Variants in TFPI observed in about 807,000 individuals in gnomAD.
TFPI encodes the protein anti-convertin.
TFPI carries 15 observed loss-of-function variants against 34.6 expected under a neutral mutation model. The observed-to-expected ratio is 0.43, with a 90% CI of 0.29 to 0.67. The LOEUF (loss-of-function observed/expected upper bound fraction) is 0.67. Among genes scored for constraint, TFPI ranks in the 30% least tolerant of loss-of-function variants. The pLI, the probability that TFPI is intolerant of heterozygous loss-of-function variation, is 0.15. For missense variants in TFPI, 301 were observed against 364.0 expected (o/e 0.83, Z 1.41); for synonymous variants, 105 against 120.1 (o/e 0.87, Z 0.82).
intron 3 of TFPI, among the ~76,000 whole-genome samples, chr2:187,493,494 T>G (rs957797607): frequency 6.6e-6 from 1 of 152,196 alleles, no homozygotes; most frequent in Non-Finnish European, 1.5e-5. Context: ...AACATTCAGA[T>G]CCTTGTTACT....
intron 1 of TFPI, among the ~76,000 whole-genome samples, chr2:187,528,181 C>T (rs1281195146): frequency 6.6e-6 from 1 of 151,936 alleles, no homozygotes; most frequent in Non-Finnish European, 1.5e-5. Context: ...GGGTTTCAGC[C>T]CAAACCCTAA....
intron 1 of TFPI, among the ~76,000 whole-genome samples, chr2:187,546,314 A>T (rs1420932967): frequency 6.8e-6 from 1 of 147,902 alleles, no homozygotes; most frequent in Non-Finnish European, 1.5e-5. Context: ...AAAAGATTAC[A>T]TTGTTTTCTT....
chr2:187,489,373 T>TA (rs1185444589), intron 3 of TFPI, among the ~76,000 whole-genome samples: 1 of 138,362 alleles, frequency 7.2e-6, no homozygotes, highest in Non-Finnish European at 1.6e-5. Context: ...AATAGCCTTT[T>TA]AAAAAAAGAG....
chr2:187,483,985 CA>C, intron 6 of TFPI, 138 bp downstream of exon 6: 1 of 692,152 alleles, frequency 1.4e-6, no homozygotes, highest in Non-Finnish European at 2.4e-6. Flanking sequence ...ATTTGAATCT[CA>C]GTATTTCAAC....
chr2:187,504,759 T>C (rs1158926857), intron 1 of TFPI, among the ~76,000 whole-genome samples: 1 of 152,076 alleles, frequency 6.6e-6, no homozygotes, highest in Non-Finnish European at 1.5e-5. Flanking sequence ...CGAGATCTTA[T>C]CAGCAAACAT....
At chr2:187,498,531 G>A (rs1315537928) in intron 2 of TFPI, among the ~76,000 whole-genome samples, 3 of 151,738 alleles carry the variant, frequency 2.0e-5, no homozygotes, top group African/African-American at 7.2e-5. Flanking sequence ...TAAAGATACA[G>A]CTTTCTATAC....
chr2:187,517,370 A>T (rs1687080203), intron 1 of TFPI: 1 of 152,118 alleles, frequency 6.6e-6, no homozygotes, highest in Admixed American at 6.5e-5. Context: ...GTTTGAAATA[A>T]CTTATTTATT....
intron 6 of TFPI, among the ~76,000 whole-genome samples, chr2:187,469,269 T>G (rs1691894803): frequency 6.6e-6 from 1 of 152,108 alleles, no homozygotes; most frequent in African/African-American, 2.4e-5. Context: ...CAGGTGATAT[T>G]TTTGTGCCAA....
At chr2:187,499,225 T>A (rs1685689160) in intron 2 of TFPI, among the ~76,000 whole-genome samples, 1 of 151,962 alleles carries the variant, frequency 6.6e-6, no homozygotes, top group Admixed American at 6.6e-5. Context: ...GAGTTTCTGG[T>A]ACCTATAAAT....
At chr2:187,472,960 C>A (rs190781479) in intron 6 of TFPI, among the ~76,000 whole-genome samples, 1 of 152,110 alleles carries the variant, frequency 6.6e-6, no homozygotes, top group African/African-American at 2.4e-5. Flanking sequence ...TGCAAGTGAG[C>A]TGAGATTGAG....
At chr2:187,552,692 G>A (rs556069055) in intron 1 of TFPI, among the ~76,000 whole-genome samples, 1 of 151,966 alleles carries the variant, frequency 6.6e-6, no homozygotes, top group South Asian at 2.1e-4. Flanking sequence ...ATATCAGACT[G>A]TACCTTAAAA....
chr2:187,550,494 T>G (rs1173626388), intron 1 of TFPI, among the ~76,000 whole-genome samples: 1 of 152,100 alleles, frequency 6.6e-6, no homozygotes, highest in Non-Finnish European at 1.5e-5. Context: ...AGCTCAAGGA[T>G]ATTTATAGAA....
rs527354813 is a variant in TFPI at position 187,484,811 on chromosome 2, G to T, written c.535C>A (p.Pro179Thr). Residue 179 changes from proline (P) to threonine (T), a missense_variant and splice_region_variant, in exon 5 of 8, where the codon CCG becomes ACG. Transcript: ENST00000233156. The part of the protein sequence containing the change: ...EECKNICEDG[P>T]NGFQVDNYGT... ...AAAATGAAATAAGAAATAAACTTAC[G>T]ACCATCTTCACAAATGTTCTTGCAT... 1.3e-6 allele frequency: 2 copies of T among 1,580,608 alleles called. No individual in the cohort carries two copies.
intron 2 of TFPI, among the ~76,000 whole-genome samples, chr2:187,498,297 G>C (rs1055598693): frequency 6.6e-6 from 1 of 151,602 alleles, no homozygotes; most frequent in African/African-American, 2.4e-5. Context: ...TGAATTTTTT[G>C]AAACAGAAAA....
intron 1 of TFPI, among the ~76,000 whole-genome samples, chr2:187,544,156 G>A (rs1688726562): frequency 6.6e-6 from 1 of 152,126 alleles, no homozygotes; most frequent in African/African-American, 2.4e-5. Flanking sequence ...TTTCACAAAA[G>A]AGCTATTAAC....
chr2:187,532,606 G>T (rs1434625955), intron 1 of TFPI, among the ~76,000 whole-genome samples: 1 of 152,184 alleles, frequency 6.6e-6, no homozygotes. Context: ...ATTCCATCGC[G>T]TGCTTACGCC....
At chr2:187,492,135 A>C (rs1685164054) in intron 3 of TFPI, among the ~76,000 whole-genome samples, 1 of 152,122 alleles carries the variant, frequency 6.6e-6, no homozygotes, top group African/African-American at 2.4e-5. Flanking sequence ...TATTTTTCTC[A>C]TTCCTTAGGT....
chr2:187,467,184 C>T (rs1418190219), intron 7 of TFPI, 142 bp from the exon 8 acceptor site: 3 of 538,374 alleles, frequency 5.6e-6, no homozygotes, highest in South Asian at 2.4e-5. Context: ...TCCATGTATT[C>T]GTGTAGAACA....
intron 1 of TFPI, among the ~76,000 whole-genome samples, chr2:187,541,882 T>C (rs1338023418): frequency 6.6e-6 from 1 of 152,160 alleles, no homozygotes; most frequent in East Asian, 1.9e-4. Flanking sequence ...GAAGTGATTA[T>C]TGCCAGAAAT....
Sources: allele counts gnomAD v4.1 joint callset (sites outside exome capture counted in the v4.1 genomes callset), GRCh38; gene constraint gnomAD v4.1.1; transcripts MANE v1.5; gene names NCBI Gene and HGNC (gene_info 2026-07-23, HGNC 2026-07-21).